MTUS2: variants seen among roughly 807,000 people sequenced by gnomAD.
MTUS2 encodes microtubule associated scaffold protein 2, also known as microtubule-associated tumor suppressor candidate 2.
In MTUS2, 40 loss-of-function variants were observed where a neutral mutation model predicts 114.1. The observed-to-expected ratio is 0.35, with a 90% CI of 0.27 to 0.46. The LOEUF (loss-of-function observed/expected upper bound fraction) is 0.46, where lower values mean the gene tolerates loss of function less well. Among genes scored for constraint, MTUS2 ranks in the 20% least tolerant of loss-of-function variants. The pLI is 1.00. For synonymous variants in MTUS2, 688 were observed against 672.0 expected, an observed-to-expected ratio of 1.02 and a Z score of -0.37; for missense variants, 1,679 against 1,705.4, an observed-to-expected ratio of 0.98 and a Z score of 0.27.
intron 5 of MTUS2, among the ~76,000 whole-genome samples, chr13:29,188,052 T>C (rs1209711312): frequency 6.6e-6 from 1 of 152,252 alleles, no homozygotes; most frequent in Admixed American, 6.5e-5. Flanking sequence ...TCAAAAATTA[T>C]AAATTACTGA....
intron 8 of MTUS2, 37 bp from the exon 9 acceptor site, chr13:29,439,946 A>G: frequency 6.6e-7 from 1 of 1,509,508 alleles, no homozygotes; most frequent in South Asian, 1.2e-5. Flanking sequence ...CTAGCATAAA[A>G]CTAGGGGACT....
Position 29,322,222 on chromosome 13 carries a change from G to T in MTUS2, c.2807-2391G>T, listed in dbSNP as rs376826250. On this transcript the variant is annotated intron_variant, in intron 6 of 15. Coordinates refer to ENST00000612955, the MANE Select transcript of MTUS2 (RefSeq NM_001033602.4). ...TTTTCCTTTAAGCACAAAACATTAGGTTTAGTGCAGATTTGGGGACTTTAA... is the reference window on the plus strand; with the variant it reads ...TTTTCCTTTAAGCACAAAACATTAGTTTTAGTGCAGATTTGGGGACTTTAA... Among the ~76,000 whole-genome samples, 48 of 152,310 alleles carry T rather than the reference G, an allele frequency of 3.2e-4. 1 individual carries two copies. Among genetic ancestry groups the T allele is most frequent in the African/African-American group, 1.1e-3 (47 of 41,550 alleles).
chr13:28,995,187 G>T (rs1198065321), intron 2 of MTUS2, among the ~76,000 whole-genome samples: 2 of 152,152 alleles, frequency 1.3e-5, no homozygotes, highest in Non-Finnish European at 2.9e-5. Context: ...TTTTTGCCAG[G>T]TTTGTCAAAG....
chr13:28,894,439 G>A (rs181534260), intron 2 of MTUS2, among the ~76,000 whole-genome samples: 2 of 151,422 alleles, frequency 1.3e-5, no homozygotes, highest in African/African-American at 4.9e-5. Flanking sequence ...AGCCGGGAAG[G>A]GGGTACCCTC....
intron 1 of MTUS2, among the ~76,000 whole-genome samples, chr13:28,834,311 G>A (rs1566166093): frequency 6.6e-6 from 1 of 152,130 alleles, no homozygotes; most frequent in Non-Finnish European, 1.5e-5. Context: ...ACAGCATGGT[G>A]CAGGCAAATT....
chr13:29,283,699 G>T (rs1898365586), intron 6 of MTUS2, among the ~76,000 whole-genome samples: 1 of 152,154 alleles, frequency 6.6e-6, no homozygotes, highest in Non-Finnish European at 1.5e-5. Context: ...AAATTCCCAA[G>T]TGGTGCCTCT....
intron 6 of MTUS2, among the ~76,000 whole-genome samples, chr13:29,309,027 A>G (rs1245242887): frequency 6.6e-6 from 1 of 152,196 alleles, no homozygotes; most frequent in African/African-American, 2.4e-5. Context: ...GCAATTCCTC[A>G]AAGACCTAGA....
At chr13:28,856,297 G>C (rs1178550961) in intron 2 of MTUS2, among the ~76,000 whole-genome samples, 1 of 152,212 alleles carries the variant, frequency 6.6e-6, no homozygotes, top group Non-Finnish European at 1.5e-5. Flanking sequence ...ACTAAGTATT[G>C]TTTGAGTAAA....
intron 5 of MTUS2, among the ~76,000 whole-genome samples, chr13:29,125,303 G>A (rs1047041815): frequency 1.4e-4 from 21 of 152,164 alleles, no homozygotes; most frequent in South Asian, 6.2e-4. Context: ...GAGTGATGGG[G>A]TATGTGATAG....
intron 1 of MTUS2, among the ~76,000 whole-genome samples, chr13:28,835,088 A>G (rs1239726100): frequency 6.6e-6 from 1 of 152,220 alleles, no homozygotes; most frequent in East Asian, 1.9e-4. Context: ...TGGTACAGCC[A>G]TTTTGGGAAA....
intron 6 of MTUS2, among the ~76,000 whole-genome samples, chr13:29,286,699 T>TATCTATC (rs1566110757): frequency 6.6e-6 from 1 of 151,942 alleles, no homozygotes; most frequent in African/African-American, 2.4e-5. Flanking sequence ...TCTATCTATC[T>TATCTATC]TACTTATTTG....
In MTUS2 at chr13:29,504,468, C is replaced by T. The variant is rs1017854763; in HGVS notation, c.*1262C>T. The T allele has an allele frequency of 4.3e-5, 10 of 232,808 alleles. No individual in the cohort carries two copies. Among genetic ancestry groups the T allele is most frequent in the Non-Finnish European group, 6.8e-5 (8 of 117,768 alleles). 14.4% of individuals were successfully genotyped at this position (232,808 alleles called of 1,614,324 possible). A position where few individuals can be genotyped will look rare whatever the true frequency, so the allele number is the denominator to read the frequency against. The stretch of plus-strand genomic sequence containing the variant: ...AGATCATCACACGACCACCCAGAAA[C>T]CCACTTGCACTTCCTGCTGGATGAT... On this transcript the variant is annotated 3_prime_UTR_variant, in exon 16 of 16. Transcript: ENST00000612955.
chr13:29,102,647 T>G (rs2138828911), intron 5 of MTUS2, among the ~76,000 whole-genome samples: 1 of 152,324 alleles, frequency 6.6e-6, no homozygotes, highest in African/African-American at 2.4e-5. Flanking sequence ...AAACATATGT[T>G]AGAATTGATT....
At chr13:29,434,142 G>T (rs1368544782) in intron 8 of MTUS2, among the ~76,000 whole-genome samples, 1 of 152,238 alleles carries the variant, frequency 6.6e-6, no homozygotes, top group East Asian at 1.9e-4. Flanking sequence ...AAAAAATCAG[G>T]TGGGGAAGAA....
chr13:28,863,073 C>T (rs1407499022), intron 2 of MTUS2, among the ~76,000 whole-genome samples: 1 of 152,194 alleles, frequency 6.6e-6, no homozygotes, highest in Non-Finnish European at 1.5e-5. Flanking sequence ...CATGCTGTCT[C>T]ATCTTTTGTT....
intron 7 of MTUS2, among the ~76,000 whole-genome samples, chr13:29,338,531 A>G (rs1901205508): frequency 6.6e-6 from 1 of 152,162 alleles, no homozygotes; most frequent in Non-Finnish European, 1.5e-5. Context: ...CGGAGGTTGC[A>G]GTGAGCTGAG....
chr13:29,249,820 A>C (rs1222100357), intron 5 of MTUS2, among the ~76,000 whole-genome samples: 1 of 152,170 alleles, frequency 6.6e-6, no homozygotes, highest in Non-Finnish European at 1.5e-5. Context: ...TTGGCTAGCC[A>C]TATGCAGAAA....
chr13:29,436,280 C>T (rs556034319), intron 8 of MTUS2, among the ~76,000 whole-genome samples: 30 of 152,110 alleles, frequency 2.0e-4, no homozygotes, highest in South Asian at 1.0e-3. Flanking sequence ...AGAGTGTGGA[C>T]GATGGGTGGA....
At chr13:29,085,445 C>A (rs1299169030) in intron 4 of MTUS2, among the ~76,000 whole-genome samples, 2 of 152,170 alleles carry the variant, frequency 1.3e-5, no homozygotes, top group Non-Finnish European at 2.9e-5. Context: ...GTCACCCTCC[C>A]TGCTTAAGTA....
Sources: allele counts gnomAD v4.1 joint callset (sites outside exome capture counted in the v4.1 genomes callset), GRCh38; gene constraint gnomAD v4.1.1; transcripts MANE v1.5; gene names NCBI Gene and HGNC (gene_info 2026-07-23, HGNC 2026-07-21).